STARD9: variants seen among roughly 807,000 people sequenced by gnomAD.
The protein encoded by STARD9 is StAR related lipid transfer domain containing 9, also known as stAR-related lipid transfer protein 9.
A neutral mutation model predicts 399.8 loss-of-function variants in STARD9; 346 were observed. The ratio of observed to expected loss-of-function variants is 0.87; its 90% confidence interval spans 0.79 to 0.95. The LOEUF is 0.95. STARD9 is among the 40% of genes least tolerant of loss of function. The pLI is 0.00. For synonymous variants in STARD9, 2,203 were observed against 2,143.5 expected (o/e 1.03, Z -0.77); for missense variants, 5,832 against 5,667.5 (o/e 1.03, Z -0.93).
chr15:42,709,741 A>G (rs1278803594), intron 26 of STARD9, among the ~76,000 whole-genome samples: 2 of 152,160 alleles, frequency 1.3e-5, no homozygotes, highest in Non-Finnish European at 2.9e-5. Flanking sequence ...TTTTTCCTCA[A>G]ACTTTCATCC....
rs1302371121 is a variant in STARD9, at chr15:42,692,682, G to C, written c.11104G>C (p.Asp3702His). The C allele has an allele frequency of 4.6e-6, 7 of 1,537,098 alleles. No homozygotes were observed. The highest frequency in any genetic ancestry group is 2.4e-5 in the South Asian group (2 of 84,066). ...SELLGSLSQPDVARREQNTKR... is the reference protein window; with the variant it reads ...SELLGSLSQPHVARREQNTKR... ...GCTGCTTGGGAGTCTCTCCCAGCCA[G>C]ATGTGGCCAGAAGGGAGCAGAACAC... Residue 3702 changes from aspartate to histidine, a missense_variant, in exon 23 of 33, where the codon GAT becomes CAT. By Grantham distance (81) the Asp-to-His change is moderately conservative. Around this residue, in one of 2 missense-constraint regions of STARD9, gnomAD observed 5,828 missense variants for 5,651.1 expected, o/e 1.03. Transcript: ENST00000290607.
At chr15:42,681,634 T>A (rs958402118) in intron 21 of STARD9, 22 bp downstream of exon 21, 3 of 1,520,002 alleles carry the variant, frequency 2.0e-6, no homozygotes, top group Non-Finnish European at 2.6e-6. Flanking sequence ...CCACTTAATG[T>A]GTCTGCCTCA....
rs1270871349 is a variant in STARD9 at position 42,717,107 on chromosome 15, G to A, written c.13494+59G>A. 2.6e-6 allele frequency: 4 copies of A among 1,516,098 alleles called. No homozygotes were observed. In the African/African-American group the frequency reaches 5.5e-5, roughly 21 times the overall value. The allele number at this position is 1,516,098 out of a possible 1,614,324, so 93.9% of individuals were successfully genotyped here. On this transcript the variant is annotated intron_variant, in intron 28 of 32. Coordinates refer to ENST00000290607, the MANE Select transcript of STARD9 (RefSeq NM_020759.3). ...CTTTACCCAGACCTCTGCTGGGTGT[G>A]CAGGAAGAGAAAGTAGGAAAAAAGC...
chr15:42,669,684 G>A (rs114995589), intron 16 of STARD9: 3,751 of 185,552 alleles, frequency 0.02, 150 homozygotes, highest in African/African-American at 0.082. Flanking sequence ...TAGGGGTATA[G>A]TCATGGAGAG....
rs55959547 is a variant in STARD9, at chr15:42,684,320, A to G, written c.2742A>G (p.Gly914=). The G allele has an allele frequency of 0.018, 27,621 of 1,536,632 alleles. 308 individuals carry two copies. The highest frequency in any genetic ancestry group is 0.054 in the Middle Eastern group (322 of 5,988). The change falls in exon 23 of 33, where the codon GGA becomes GGG. Residue 914 remains glycine (G), a synonymous_variant. Transcript: ENST00000290607. ...CTARAALARK[G]ASAPDACLTM... is the part of the protein sequence containing the mutation. ...CCAGAGCAGCCTTGGCCAGGAAGGGAGCCTCAGCTCCAGACGCTTGCCTCA... is the reference window on the plus strand; with the variant it reads ...CCAGAGCAGCCTTGGCCAGGAAGGGGGCCTCAGCTCCAGACGCTTGCCTCA...
At chr15:42,626,441 C>CTCCTCCTCCTCTACCTTCTCCTCT (rs1566885101) in intron 3 of STARD9, among the ~76,000 whole-genome samples, 4 of 148,794 alleles carry the variant, frequency 2.7e-5, no homozygotes, top group Non-Finnish European at 5.9e-5. Context: ...CTTCTTCCTT[C>CTCCTCCTCCTCTACCTTCTCCTCT]TCCTCCTCCT....
At chr15:42,600,575 G>T (rs1437814427) in intron 3 of STARD9, among the ~76,000 whole-genome samples, 2 of 150,952 alleles carry the variant, frequency 1.3e-5, no homozygotes, top group Non-Finnish European at 2.9e-5. Context: ...GCCCAGGCTG[G>T]AGTGCAACGG....
At chr15:42,665,151 C>T in intron 13 of STARD9, 102 bp from the exon 14 acceptor site, 1 of 885,170 alleles carries the variant, frequency 1.1e-6, no homozygotes, top group Non-Finnish European at 1.8e-6. Flanking sequence ...AGAGACTACT[C>T]CAAAGGAGTA....
At chr15:42,608,442 G>T (rs924832701) in intron 3 of STARD9, among the ~76,000 whole-genome samples, 4 of 152,150 alleles carry the variant, frequency 2.6e-5, no homozygotes, top group Non-Finnish European at 4.4e-5. Context: ...TTGTCTCAGA[G>T]GCTCAGCTCC....
In STARD9 at chr15:42,688,234, C is replaced by T. The variant is rs1253918741; in HGVS notation, c.6656C>T (p.Ser2219Phe). The change falls in exon 23 of 33, where the codon TCT becomes TTT. Residue 2219 changes from serine to phenylalanine, a missense_variant. Coordinates refer to ENST00000290607, the MANE Select transcript of STARD9 (RefSeq NM_020759.3). ...ALPLQPRLER[S>F]SKNNGQFVKA... ...CCATTGCAACCCAGGCTAGAGAGGTCTTCTAAGAATAATGGCCAGTTTGTA... is the reference window on the plus strand; with the variant it reads ...CCATTGCAACCCAGGCTAGAGAGGTTTTCTAAGAATAATGGCCAGTTTGTA... The T allele has an allele frequency of 1.3e-6, 2 of 1,537,530 alleles. No homozygotes were observed. The highest frequency in any genetic ancestry group is 2.0e-5 in the Admixed American group (1 of 50,996).
intron 1 of STARD9, among the ~76,000 whole-genome samples, chr15:42,577,448 C>T (rs1465892763): frequency 6.6e-6 from 1 of 152,186 alleles, no homozygotes; most frequent in Non-Finnish European, 1.5e-5. Context: ...CCACTGCGCC[C>T]AGCCGGACAC....
At position 42,685,169 on chromosome 15, in the gene STARD9, A is replaced by C; in HGVS notation, c.3591A>C (p.Gln1197His). 2 of 1,537,190 alleles carry C rather than the reference A, an allele frequency of 1.3e-6. No homozygotes were observed. The highest frequency in any genetic ancestry group is 1.7e-6 in the Non-Finnish European group (2 of 1,146,922). The change falls in exon 23 of 33, where the codon CAA becomes CAC. Residue 1197 changes from glutamine to histidine, a missense_variant. Around this residue, in one of 2 missense-constraint regions of STARD9, gnomAD observed 5,828 missense variants for 5,651.1 expected, o/e 1.03. Coordinates refer to ENST00000290607, the MANE Select transcript of STARD9 (RefSeq NM_020759.3). ...TAASDSDLLA[Q>H]THRSFSLDSL... Reference sequence around the variant, plus strand: ...CCTCAGACAGTGACCTACTTGCTCAAACTCATAGGAGCTTCTCCTTGGATA... The same window carrying C: ...CCTCAGACAGTGACCTACTTGCTCACACTCATAGGAGCTTCTCCTTGGATA...
chr15:42,581,260 T>C (rs752543257), intron 1 of STARD9: 34 of 873,308 alleles, frequency 3.9e-5, no homozygotes, highest in Non-Finnish European at 5.9e-5. Context: ...TCCCGGGATA[T>C]TGGGCAGATG....
At chr15:42,697,641 TG>T (rs2060872672) in intron 26 of STARD9, among the ~76,000 whole-genome samples, 1 of 152,188 alleles carries the variant, frequency 6.6e-6, no homozygotes, top group Non-Finnish European at 1.5e-5. Context: ...CACATTGAGT[TG>T]AAACACAGTC....
Position 42,575,669 on chromosome 15 carries a change from G to A in STARD9, c.-47G>A, listed in dbSNP as rs1319465395. On this transcript the variant is annotated 5_prime_UTR_variant, in exon 1 of 33. Coordinates refer to ENST00000290607, the MANE Select transcript of STARD9 (RefSeq NM_020759.3). ...GTCTGGGCTTAGGGCGGGGGCCTGGGATGCTGCCGCTGAGCTGACCCGCTG... is the reference window on the plus strand; with the variant it reads ...GTCTGGGCTTAGGGCGGGGGCCTGGAATGCTGCCGCTGAGCTGACCCGCTG... The A allele has an allele frequency of 2.0e-6, 3 of 1,533,332 alleles. No individual in the cohort carries two copies. The highest frequency in any genetic ancestry group is 2.6e-6 in the Non-Finnish European group (3 of 1,144,818). 95.0% of individuals were successfully genotyped at this position (1,533,332 alleles called of 1,614,324 possible). A position where few individuals can be genotyped will look rare whatever the true frequency, so the allele number is the denominator to read the frequency against.
Position 42,575,760 on chromosome 15 carries a change from G to A in STARD9, c.45G>A (p.Lys15=), listed in dbSNP as rs1193083302. ...CCGTGCGGGTCCGGCCGCTCAGCAAGAGGTGAGTCTCCGCGGGAGAGGGCG... is the reference window on the plus strand; with the variant it reads ...CCGTGCGGGTCCGGCCGCTCAGCAAAAGGTGAGTCTCCGCGGGAGAGGGCG... The part of the protein sequence containing the change: ...QVAVRVRPLS[K]RETKEGGRII... The change falls in exon 1 of 33, where the codon AAG becomes AAA. Residue 15 remains lysine, a splice_region_variant and synonymous_variant. Transcript: ENST00000290607. The A allele has an allele frequency of 1.3e-6, 2 of 1,536,952 alleles. No homozygotes were observed. The highest frequency in any genetic ancestry group is 1.2e-5 in the South Asian group (1 of 84,062).
intron 23 of STARD9, 52 bp from the exon 24 acceptor site, chr15:42,694,476 T>C (rs915626479): frequency 2.0e-6 from 3 of 1,531,020 alleles, no homozygotes; most frequent in Non-Finnish European, 8.8e-7. Context: ...GAGATAGATC[T>C]TAAAGTGAAG....
In STARD9 at chr15:42,687,251, T is replaced by C; in HGVS notation, c.5673T>C (p.Ala1891=). The C allele has an allele frequency of 3.9e-6, 6 of 1,537,044 alleles. No individual in the cohort carries two copies. Among genetic ancestry groups the C allele is most frequent in the Non-Finnish European group, 5.2e-6 (6 of 1,146,942 alleles). ...FPALEGGEVT[A]QSCCGASSDS... is the part of the protein sequence containing the mutation. ...CACTTGAGGGAGGAGAGGTCACTGCTCAGTCCTGTTGCGGTGCTTCCTCAG... is the reference window on the plus strand; with the variant it reads ...CACTTGAGGGAGGAGAGGTCACTGCCCAGTCCTGTTGCGGTGCTTCCTCAG... Residue 1891 remains alanine, a synonymous_variant, in exon 23 of 33, where the codon GCT becomes GCC. Coordinates refer to ENST00000290607, the MANE Select transcript of STARD9 (RefSeq NM_020759.3).
At chr15:42,667,861 C>G (rs2060133174) in intron 15 of STARD9, among the ~76,000 whole-genome samples, 1 of 152,210 alleles carries the variant, frequency 6.6e-6, no homozygotes, top group South Asian at 2.1e-4. Flanking sequence ...ATTAAAGTAT[C>G]CTGGCCATGT....
Sources: gnomAD v4.1 joint callset for allele counts (sites outside exome capture counted in the v4.1 genomes callset) on GRCh38, gnomAD v4.1.1 for gene constraint, gnomAD v4.1.1 regional missense constraint, MANE v1.5 for transcripts, NCBI Gene and HGNC (gene_info 2026-07-23, HGNC 2026-07-21) for gene names.